SLC1A2: variants seen among roughly 807,000 people sequenced by gnomAD.
SLC1A2 encodes the protein solute carrier family 1 member 2.
A neutral mutation model predicts 48.8 loss-of-function variants in SLC1A2; 15 were observed. The ratio of observed to expected loss-of-function variants is 0.31; its 90% CI spans 0.21 to 0.47. The LOEUF (loss-of-function observed/expected upper bound fraction) is 0.47, where lower values mean the gene tolerates loss of function less well. Among genes scored for constraint, SLC1A2 ranks in the 20% least tolerant of loss-of-function variants. The pLI, the probability that SLC1A2 is intolerant of heterozygous loss-of-function variation, is 0.99. For synonymous variants in SLC1A2, 279 were observed against 272.6 expected, an observed-to-expected ratio of 1.02 and a Z score of -0.23; for missense variants, 502 against 730.5, an observed-to-expected ratio of 0.69 and a Z score of 3.61.
intron 1 of SLC1A2, among the ~76,000 whole-genome samples, chr11:35,350,770 G>A (rs1853221842): frequency 6.6e-6 from 1 of 152,168 alleles, no homozygotes; most frequent in African/African-American, 2.4e-5. Flanking sequence ...GAAGATGCCT[G>A]GGCTGAGATT....
At chr11:35,319,095 A>C (rs1851975988) in intron 1 of SLC1A2, among the ~76,000 whole-genome samples, 1 of 152,180 alleles carries the variant, frequency 6.6e-6, no homozygotes, top group Admixed American at 6.5e-5. Flanking sequence ...TGGTTTCCTG[A>C]CATATGTGTG....
intron 9 of SLC1A2, among the ~76,000 whole-genome samples, chr11:35,279,599 CT>C (rs1418724456): frequency 6.6e-6 from 1 of 152,142 alleles, no homozygotes; most frequent in African/African-American, 2.4e-5. Flanking sequence ...AAACTTTTAC[CT>C]ATTGGTTATG....
intron 1 of SLC1A2, among the ~76,000 whole-genome samples, chr11:35,342,138 T>G (rs1021213782): frequency 2.6e-5 from 4 of 152,212 alleles, no homozygotes; most frequent in African/African-American, 9.6e-5. Flanking sequence ...TTCTTATATA[T>G]TTTTGTAGGG....
chr11:35,321,646 GC>G (rs1030899106), intron 1 of SLC1A2, among the ~76,000 whole-genome samples: 6 of 151,958 alleles, frequency 3.9e-5, no homozygotes, highest in African/African-American at 1.5e-4. Context: ...CTATTTCAGC[GC>G]CCCCTAAGAG....
chr11:35,330,106 A>C (rs1852381749), intron 1 of SLC1A2, among the ~76,000 whole-genome samples: 1 of 152,176 alleles, frequency 6.6e-6, no homozygotes, highest in Non-Finnish European at 1.5e-5. Flanking sequence ...ACTTACAGAA[A>C]ATGAAGCTGA....
At chr11:35,273,445 A>G (rs145242704) in intron 9 of SLC1A2, among the ~76,000 whole-genome samples, 414 of 152,326 alleles carry the variant, frequency 2.7e-3, no homozygotes, top group African/African-American at 9.7e-3. Context: ...ATGGAGAGGG[A>G]TACTCACCTG....
intron 1 of SLC1A2, among the ~76,000 whole-genome samples, chr11:35,347,759 G>A (rs924962091): frequency 3.3e-5 from 5 of 152,172 alleles, no homozygotes; most frequent in Non-Finnish European, 7.3e-5. Context: ...TTAAAATACA[G>A]ATGAAGTCTT....
chr11:35,304,635 G>T (rs1359505427), intron 5 of SLC1A2, among the ~76,000 whole-genome samples: 1 of 151,816 alleles, frequency 6.6e-6, no homozygotes, highest in Non-Finnish European at 1.5e-5. Context: ...CCTGCTTCCT[G>T]CCAAGCCAAA....
At chr11:35,273,476 T>G (rs1850344554) in intron 9 of SLC1A2, among the ~76,000 whole-genome samples, 1 of 152,224 alleles carries the variant, frequency 6.6e-6, no homozygotes, top group Non-Finnish European at 1.5e-5. Flanking sequence ...GAGAAGATAA[T>G]AACTGCTAAC....
intron 1 of SLC1A2, among the ~76,000 whole-genome samples, chr11:35,319,811 G>C (rs1379887489): frequency 6.6e-6 from 1 of 152,292 alleles, no homozygotes; most frequent in African/African-American, 2.4e-5. Flanking sequence ...CATCAAAGTG[G>C]CTACATCAAA....
chr11:35,325,473 T>C (rs1048560075), intron 1 of SLC1A2, among the ~76,000 whole-genome samples: 1 of 152,214 alleles, frequency 6.6e-6, no homozygotes, highest in Non-Finnish European at 1.5e-5. Context: ...TGGCACATAG[T>C]AGATGCTCAA....
intron 3 of SLC1A2, among the ~76,000 whole-genome samples, chr11:35,314,568 C>T (rs1851808643): frequency 6.6e-6 from 1 of 151,886 alleles, no homozygotes; most frequent in Admixed American, 6.6e-5. Context: ...CAAAAATTAG[C>T]CAGGCATGAT....
chr11:35,376,883 C>T (rs556218318), intron 1 of SLC1A2, among the ~76,000 whole-genome samples: 82 of 152,336 alleles, frequency 5.4e-4, no homozygotes, highest in African/African-American at 1.8e-3. Context: ...TCCTCAACCC[C>T]TGCACATTGA....
chr11:35,400,378 A>G (rs1371159656), intron 1 of SLC1A2, among the ~76,000 whole-genome samples: 1 of 152,254 alleles, frequency 6.6e-6, no homozygotes, highest in Non-Finnish European at 1.5e-5. Flanking sequence ...CACATTGCTA[A>G]GTAAAAATTG....
At chr11:35,269,068 G>A (rs1321149542) in intron 9 of SLC1A2, among the ~76,000 whole-genome samples, 1 of 152,176 alleles carries the variant, frequency 6.6e-6, no homozygotes, top group Non-Finnish European at 1.5e-5. Flanking sequence ...CCATTGGGAG[G>A]TGATTAGGTC....
At chr11:35,303,450 G>A (rs930841946) in intron 5 of SLC1A2, among the ~76,000 whole-genome samples, 27 of 152,280 alleles carry the variant, frequency 1.8e-4, no homozygotes, top group Non-Finnish European at 5.9e-5. Context: ...TTAGATCCAG[G>A]ACAGAGGGAA....
chr11:35,295,511 C>T (rs1851143256), intron 6 of SLC1A2, among the ~76,000 whole-genome samples: 1 of 152,232 alleles, frequency 6.6e-6, no homozygotes, highest in South Asian at 2.1e-4. Flanking sequence ...TGAGATGAAG[C>T]CAGCAATCAA....
chr11:35,298,702 G>C (rs1170456794), intron 6 of SLC1A2: 1 of 152,152 alleles, frequency 6.6e-6, no homozygotes, highest in African/African-American at 2.4e-5. Flanking sequence ...AGGAGTTCTG[G>C]TTTCAGTGAA....
At chr11:35,274,374 G>C (rs1208910312) in intron 9 of SLC1A2, among the ~76,000 whole-genome samples, 1 of 152,170 alleles carries the variant, frequency 6.6e-6, no homozygotes, top group Non-Finnish European at 1.5e-5. Flanking sequence ...GTGGAAAAGG[G>C]GCCACATTCC....
Sources: gnomAD v4.1 joint callset for allele counts (sites outside exome capture counted in the v4.1 genomes callset) on GRCh38, gnomAD v4.1.1 for gene constraint, MANE v1.5 for transcripts, NCBI Gene and HGNC (gene_info 2026-07-23, HGNC 2026-07-21) for gene names.